The following DPP6 variants were observed in gnomAD, a reference collection of about 807,000 sequenced individuals.
The protein encoded by DPP6 is dipeptidyl peptidase like 6.
A neutral mutation model predicts 122.6 loss-of-function variants in DPP6; 69 were observed. The observed-to-expected ratio is 0.56, with a 90% CI of 0.46 to 0.69. DPP6 has a LOEUF of 0.69. DPP6 is among the 30% of genes least tolerant of loss of function. The pLI, the probability that DPP6 is intolerant of heterozygous loss-of-function variation, is 0.00. For missense variants in DPP6, 928 were observed against 1,116.9 expected (o/e 0.83, Z 2.41); for synonymous variants, 418 against 433.1 (o/e 0.97, Z 0.43).
chr7:154,043,354 T>C (rs1012681995), intron 1 of DPP6, among the ~76,000 whole-genome samples: 15 of 124,858 alleles, frequency 1.2e-4, no homozygotes, highest in Non-Finnish European at 1.9e-4. Flanking sequence ...GATCATGCCA[T>C]TGCACTCCAG....
At chr7:154,197,231 G>A (rs1429475732) in intron 1 of DPP6, among the ~76,000 whole-genome samples, 27 of 151,538 alleles carry the variant, frequency 1.8e-4, no homozygotes, top group Non-Finnish European at 1.5e-5. Flanking sequence ...TGAAGGTCAA[G>A]CAGAAGATAT....
chr7:154,299,307 A>G (rs2150976994), intron 1 of DPP6, among the ~76,000 whole-genome samples: 1 of 152,340 alleles, frequency 6.6e-6, no homozygotes, highest in Admixed American at 6.5e-5. Context: ...GGCGTGCAAG[A>G]GAAAACCAAA....
At chr7:154,400,236 G>C (rs1335886798) in intron 1 of DPP6, among the ~76,000 whole-genome samples, 2 of 152,216 alleles carry the variant, frequency 1.3e-5, no homozygotes, top group African/African-American at 4.8e-5. Flanking sequence ...ACTGGCCACA[G>C]CAAAGAGAGG....
chr7:154,387,070 A>G (rs756437), intron 1 of DPP6, among the ~76,000 whole-genome samples: 148,081 of 152,226 alleles, frequency 0.97, 72,059 homozygotes, highest in East Asian at 1. Context: ...AACATAGGCA[A>G]GGGGCGAAAG....
chr7:154,771,627 T>C (rs1031067611), intron 9 of DPP6, among the ~76,000 whole-genome samples: 5 of 152,238 alleles, frequency 3.3e-5, no homozygotes, highest in Non-Finnish European at 5.9e-5. Flanking sequence ...TTCAACAGCC[T>C]TTGATCAGCA....
intron 3 of DPP6, among the ~76,000 whole-genome samples, chr7:154,490,014 G>A (rs1253021877): frequency 4.6e-5 from 7 of 152,132 alleles, no homozygotes; most frequent in Non-Finnish European, 7.3e-5. Context: ...AATAAACCTC[G>A]GAAGTTCAAA....
intron 1 of DPP6, among the ~76,000 whole-genome samples, chr7:154,418,972 G>T (rs367613364): frequency 1.2e-3 from 177 of 152,332 alleles, no homozygotes; most frequent in Middle Eastern, 3.4e-3. Flanking sequence ...TGTGTTTTAG[G>T]CAATTGTGAG....
At chr7:154,619,699 G>A (rs116046894) in intron 5 of DPP6, among the ~76,000 whole-genome samples, 2,005 of 152,272 alleles carry the variant, frequency 0.013, 49 homozygotes, top group African/African-American at 0.045. Flanking sequence ...GTATTTATGT[G>A]CAGAAACATA....
At chr7:154,827,127 A>G (rs1439119816) in intron 16 of DPP6, among the ~76,000 whole-genome samples, 1 of 151,652 alleles carries the variant, frequency 6.6e-6, no homozygotes, top group African/African-American at 2.4e-5. Context: ...GAATGGTAAT[A>G]TAAACTATTT....
At chr7:154,532,041 G>T (rs1827878493) in intron 3 of DPP6, among the ~76,000 whole-genome samples, 1 of 151,996 alleles carries the variant, frequency 6.6e-6, no homozygotes, top group African/African-American at 2.4e-5. Context: ...CCCAAACCCA[G>T]CCATATAAAT....
intron 4 of DPP6, among the ~76,000 whole-genome samples, chr7:154,544,784 T>C (rs1829029621): frequency 1.3e-5 from 2 of 152,300 alleles, no homozygotes; most frequent in Admixed American, 6.5e-5. Flanking sequence ...CACATGTGGA[T>C]TCCAGAGCGT....
At chr7:154,648,693 G>T (rs1037726280) in intron 6 of DPP6, among the ~76,000 whole-genome samples, 1 of 152,056 alleles carries the variant, frequency 6.6e-6, no homozygotes, top group African/African-American at 2.4e-5. Flanking sequence ...GCCAAGGTGG[G>T]TGGATCACAA....
chr7:153,957,192 A>T (rs948317101), intron 1 of DPP6, among the ~76,000 whole-genome samples: 2 of 152,180 alleles, frequency 1.3e-5, no homozygotes, highest in Admixed American at 6.5e-5. Context: ...AGTAAATGGC[A>T]TGGGTGTGGG....
chr7:153,880,768 A>C, the DPP6 span, among the ~76,000 whole-genome samples: 1 of 152,240 alleles, frequency 6.6e-6, no homozygotes, highest in East Asian at 1.9e-4. Flanking sequence ...CCTGAAATAC[A>C]GTCTATTACC....
chr7:154,106,176 C>T (rs1806148494), intron 1 of DPP6, among the ~76,000 whole-genome samples: 1 of 146,880 alleles, frequency 6.8e-6, no homozygotes, highest in East Asian at 2.0e-4. Context: ...TTGAGTTCCC[C>T]CAGGCTCCGT....
At chr7:154,824,038 C>A (rs556942027) in intron 16 of DPP6, among the ~76,000 whole-genome samples, 18 of 152,306 alleles carry the variant, frequency 1.2e-4, no homozygotes, top group Admixed American at 5.2e-4. Context: ...CTTTGTCAGT[C>A]CCTCAAGACA....
At chr7:153,895,459 T>C (rs1446261482) in intron 1 of DPP6, among the ~76,000 whole-genome samples, 2 of 152,226 alleles carry the variant, frequency 1.3e-5, no homozygotes, top group Non-Finnish European at 2.9e-5. Flanking sequence ...AACATTGCTC[T>C]TAGGACATGC....
intron 1 of DPP6, among the ~76,000 whole-genome samples, chr7:154,400,872 AT>A (rs1815512459): frequency 6.6e-6 from 1 of 152,122 alleles, no homozygotes; most frequent in Non-Finnish European, 1.5e-5. Flanking sequence ...TTTATTTAGC[AT>A]TTGGTGTAGT....
intron 1 of DPP6, among the ~76,000 whole-genome samples, chr7:154,334,588 A>T (rs1049270781): frequency 3.0e-4 from 45 of 152,144 alleles, no homozygotes; most frequent in Non-Finnish European, 1.2e-4. Flanking sequence ...ATTCAGTAAC[A>T]TTATCCAGAA....
Sources: gnomAD v4.1 joint callset for allele counts (sites outside exome capture counted in the v4.1 genomes callset) on GRCh38, gnomAD v4.1.1 for gene constraint, MANE v1.5 for transcripts, NCBI Gene and HGNC (gene_info 2026-07-23, HGNC 2026-07-21) for gene names.